Variants in MACROD2 observed in about 807,000 individuals in gnomAD.
The protein encoded by MACROD2 is ADP-ribose glycohydrolase MACROD2.
A neutral mutation model predicts 70.4 loss-of-function variants in MACROD2; 36 were observed. The observed-to-expected ratio is 0.51, with a 90% CI of 0.39 to 0.68. The LOEUF is 0.68. Ranked by LOEUF, MACROD2 falls within the 30% of genes least tolerant of loss-of-function variation. MACROD2 has a pLI of 0.00. For missense variants in MACROD2, 496 were observed against 538.4 expected, an observed-to-expected ratio of 0.92 and a Z score of 0.78; for synonymous variants, 172 against 178.8, an observed-to-expected ratio of 0.96 and a Z score of 0.30.
chr20:14,929,942 A>G (rs1284248787), intron 5 of MACROD2, among the ~76,000 whole-genome samples: 2 of 152,100 alleles, frequency 1.3e-5, no homozygotes, highest in East Asian at 3.9e-4. Flanking sequence ...CAGGCGGATC[A>G]TGAGGTCAGG....
chr20:15,967,519 A>T (rs759501942), intron 12 of MACROD2, 34 bp from the exon 13 acceptor site: 1 of 1,569,812 alleles, frequency 6.4e-7, no homozygotes, highest in South Asian at 1.2e-5. Context: ...CAAGTTAAAA[A>T]TGCTGACCAA....
At chr20:15,412,149 T>G (rs1488754529) in intron 6 of MACROD2, among the ~76,000 whole-genome samples, 1 of 152,154 alleles carries the variant, frequency 6.6e-6, no homozygotes, top group Admixed American at 6.5e-5. Flanking sequence ...GCAAGTGCTG[T>G]TGGAAAAAGA....
At chr20:14,755,340 C>T (rs547139064) in intron 5 of MACROD2, among the ~76,000 whole-genome samples, 4 of 151,992 alleles carry the variant, frequency 2.6e-5, no homozygotes, top group Non-Finnish European at 4.4e-5. Flanking sequence ...TGGGGCATTT[C>T]GGATGAGGTT....
At chr20:14,342,890 C>T (rs772311705) in intron 3 of MACROD2, among the ~76,000 whole-genome samples, 4 of 152,142 alleles carry the variant, frequency 2.6e-5, no homozygotes, top group Non-Finnish European at 5.9e-5. Flanking sequence ...CCTGCTTGCC[C>T]ACCCTCTGGT....
intron 12 of MACROD2, among the ~76,000 whole-genome samples, chr20:15,965,157 A>G (rs980375985): frequency 6.6e-6 from 1 of 152,226 alleles, no homozygotes; most frequent in Non-Finnish European, 1.5e-5. Context: ...ACTACATAAA[A>G]TAATAGTGCA....
At chr20:14,891,630 C>T (rs1312107267) in intron 5 of MACROD2, among the ~76,000 whole-genome samples, 2 of 152,082 alleles carry the variant, frequency 1.3e-5, no homozygotes, top group African/African-American at 4.8e-5. Context: ...ATACAAGCCT[C>T]ATTCAGTAAT....
intron 6 of MACROD2, among the ~76,000 whole-genome samples, chr20:15,380,425 GTTT>G (rs11455793): frequency 2.0e-5 from 3 of 147,744 alleles, no homozygotes; most frequent in African/African-American, 7.4e-5. Context: ...CTTAGGGAAA[GTTT>G]TTTTTTTTTC....
At chr20:15,722,787 C>G (rs1267277744) in intron 8 of MACROD2, among the ~76,000 whole-genome samples, 1 of 152,032 alleles carries the variant, frequency 6.6e-6, no homozygotes, top group South Asian at 2.1e-4. Flanking sequence ...TATTCTATTT[C>G]AAGAGAATTT....
rs764764564 is a variant in MACROD2, at chr20:15,499,729, C to T, written c.572-45C>T. On this transcript the variant is annotated intron_variant, in intron 7 of 17. Coordinates refer to ENST00000684519, the MANE Select transcript of MACROD2 (RefSeq NM_001351661.2). ...ATAGCGTGATTAGCCTCCCTTTTGC[C>T]TTCATCTTTCGTTGTTCATTTGTTT... 3.8e-6 allele frequency: 6 copies of T among 1,590,034 alleles called. 1 individual carries two copies. The South Asian group carries it at 5.5e-5, about 15-fold the overall frequency.
At chr20:15,967,716 T>A in intron 13 of MACROD2, 86 bp downstream of exon 13, 1 of 1,192,046 alleles carries the variant, frequency 8.4e-7, no homozygotes. Context: ...CAGACTTGAA[T>A]TTTTCTGGAA....
chr20:15,144,916 A>G (rs547665340), intron 5 of MACROD2, among the ~76,000 whole-genome samples: 2 of 152,148 alleles, frequency 1.3e-5, no homozygotes, highest in African/African-American at 2.4e-5. Context: ...CATACTTACT[A>G]TAGTACTTAC....
At chr20:14,217,425 A>T (rs1447051185) in intron 3 of MACROD2, among the ~76,000 whole-genome samples, 2 of 152,050 alleles carry the variant, frequency 1.3e-5, no homozygotes, top group Non-Finnish European at 2.9e-5. Context: ...TTTGTTAAGG[A>T]TTTTAGCATC....
At chr20:15,939,218 G>C (rs570738394) in intron 12 of MACROD2, among the ~76,000 whole-genome samples, 9 of 152,300 alleles carry the variant, frequency 5.9e-5, no homozygotes, top group African/African-American at 2.2e-4. Flanking sequence ...TTTCAATGTA[G>C]ACAAAACAGC....
chr20:15,016,040 C>A (rs954062529), intron 5 of MACROD2, among the ~76,000 whole-genome samples: 2 of 152,166 alleles, frequency 1.3e-5, no homozygotes, highest in Admixed American at 1.3e-4. Flanking sequence ...ACACTGAATT[C>A]TCTTCCCCAT....
At chr20:14,348,444 C>T (rs1429697205) in intron 3 of MACROD2, among the ~76,000 whole-genome samples, 1 of 151,872 alleles carries the variant, frequency 6.6e-6, no homozygotes, top group East Asian at 1.9e-4. Context: ...GTGTTATCTA[C>T]TAAATAGTGT....
At chr20:14,953,362 A>C (rs558995282) in intron 5 of MACROD2, among the ~76,000 whole-genome samples, 61 of 152,206 alleles carry the variant, frequency 4.0e-4, no homozygotes, top group African/African-American at 1.4e-3. Context: ...GTTGGAGTGC[A>C]GTGGTGTGAT....
At chr20:15,144,962 T>C (rs2076219832) in intron 5 of MACROD2, among the ~76,000 whole-genome samples, 1 of 152,174 alleles carries the variant, frequency 6.6e-6, no homozygotes, top group South Asian at 2.1e-4. Context: ...GCTGTATAAA[T>C]CAGCATTTGG....
chr20:15,744,693 TACACACACACACACACACACAC>T (rs11467530), intron 8 of MACROD2, among the ~76,000 whole-genome samples: 1 of 148,230 alleles, frequency 6.7e-6, no homozygotes, highest in South Asian at 2.2e-4. Context: ...AAACCAAGTA[TACACACACACACACACACACAC>T]ACACACACAC....
chr20:14,902,369 C>T (rs1044371621), intron 5 of MACROD2, among the ~76,000 whole-genome samples: 1 of 152,170 alleles, frequency 6.6e-6, no homozygotes, highest in Non-Finnish European at 1.5e-5. Flanking sequence ...AGGTCAGCCA[C>T]ATTGTTCCTT....
Sources: allele counts gnomAD v4.1 joint callset (sites outside exome capture counted in the v4.1 genomes callset), GRCh38; gene constraint gnomAD v4.1.1; transcripts MANE v1.5; gene names NCBI Gene and HGNC (gene_info 2026-07-23, HGNC 2026-07-21).